The following ARHGAP29 variants were observed in gnomAD, a reference collection of about 807,000 sequenced individuals.
The protein encoded by ARHGAP29 is rho GTPase-activating protein 29.
In ARHGAP29, 43 loss-of-function variants were observed where a neutral mutation model predicts 122.6. The ratio of observed to expected loss-of-function variants is 0.35; its 90% CI spans 0.27 to 0.45. The LOEUF (loss-of-function observed/expected upper bound fraction) is 0.45. Among genes scored for constraint, ARHGAP29 ranks in the 20% least tolerant of loss-of-function variants. ARHGAP29 has a pLI of 1.00. For synonymous variants in ARHGAP29, 506 were observed against 497.1 expected (o/e 1.02, Z -0.24); for missense variants, 1,303 against 1,477.2 (o/e 0.88, Z 1.93).
rs1393878733 is a variant in ARHGAP29, at chr1:94,172,229, C to T, written c.*1640G>A. On this transcript the variant is annotated 3_prime_UTR_variant, in exon 23 of 23. Coordinates refer to ENST00000260526, the MANE Select transcript of ARHGAP29 (RefSeq NM_004815.4). ...ACAGAAATAATAACATGCTTACCCA[C>T]CCATTATAGGTTGCTGTGAACTTGA... The T allele has an allele frequency of 6.6e-6, 1 of 152,110 alleles. No individual in the cohort carries two copies. The allele number at this position is 152,110 out of a possible 1,614,324, so 9.4% of individuals were successfully genotyped here.
chr1:94,312,325 G>T, the ARHGAP29 span, among the ~76,000 whole-genome samples: 512 of 150,156 alleles, frequency 3.4e-3, no homozygotes, highest in African/African-American at 0.012. Context: ...AATCTGATCC[G>T]GCCTTCCTCC....
chr1:94,261,613 G>A (rs542774625), intron 1 of ARHGAP29, among the ~76,000 whole-genome samples: 1 of 152,122 alleles, frequency 6.6e-6, no homozygotes, highest in Non-Finnish European at 1.5e-5. Flanking sequence ...GCCAACAACA[G>A]TCAAGCTGAG....
intron 1 of ARHGAP29, among the ~76,000 whole-genome samples, chr1:94,265,528 G>C (rs1409828716): frequency 6.6e-6 from 1 of 152,230 alleles, no homozygotes; most frequent in Non-Finnish European, 1.5e-5. Context: ...GGGAAGGAAA[G>C]TGGATAATAG....
chr1:94,254,635 A>G (rs1010815876), intron 1 of ARHGAP29, among the ~76,000 whole-genome samples: 4 of 152,240 alleles, frequency 2.6e-5, no homozygotes, highest in African/African-American at 9.6e-5. Context: ...ACTAAAAGGT[A>G]AAACAAGCCT....
At chr1:94,237,162 CG>C (rs1454424229) in intron 1 of ARHGAP29, among the ~76,000 whole-genome samples, 5 of 152,210 alleles carry the variant, frequency 3.3e-5, no homozygotes, top group Non-Finnish European at 7.3e-5. Context: ...TCCCGGCCAC[CG>C]CTGGCGTCCT....
chr1:94,267,102 C>G (rs928664285), intron 1 of ARHGAP29, among the ~76,000 whole-genome samples: 3 of 152,198 alleles, frequency 2.0e-5, no homozygotes, highest in Non-Finnish European at 4.4e-5. Context: ...TGAAATTACT[C>G]CCATAGCTTA....
chr1:94,300,231 T>C, the ARHGAP29 span, among the ~76,000 whole-genome samples: 1 of 152,194 alleles, frequency 6.6e-6, no homozygotes, highest in African/African-American at 2.4e-5. Flanking sequence ...CTTGAATGCA[T>C]GAGTGAATGG....
At chr1:94,283,680 T>C in the ARHGAP29 span, among the ~76,000 whole-genome samples, 17 of 152,312 alleles carry the variant, frequency 1.1e-4, no homozygotes, top group South Asian at 3.5e-3. Flanking sequence ...CCAGGATCAG[T>C]GTAACTCTGT....
chr1:94,304,326 A>G, the ARHGAP29 span, among the ~76,000 whole-genome samples: 1 of 152,142 alleles, frequency 6.6e-6, no homozygotes, highest in East Asian at 1.9e-4. Flanking sequence ...GGTTTGTATA[A>G]ATGGAATCGC....
intron 1 of ARHGAP29, among the ~76,000 whole-genome samples, chr1:94,236,469 T>C (rs1263235557): frequency 2.0e-5 from 3 of 151,818 alleles, no homozygotes; most frequent in Admixed American, 6.6e-5. Context: ...AAAGATAAAC[T>C]ATAGACAAGA....
At chr1:94,258,669 G>A (rs1352994391) in intron 1 of ARHGAP29, among the ~76,000 whole-genome samples, 2 of 152,174 alleles carry the variant, frequency 1.3e-5, no homozygotes, top group East Asian at 3.9e-4. Flanking sequence ...AGTTGTTCAA[G>A]GCCTTAGTAA....
At chr1:94,270,253 T>A (rs1045302724) in intron 1 of ARHGAP29, among the ~76,000 whole-genome samples, 2 of 152,170 alleles carry the variant, frequency 1.3e-5, no homozygotes, top group African/African-American at 4.8e-5. Context: ...GGTCCAGTGG[T>A]CATAGATGTC....
At chr1:94,302,773 C>G in the ARHGAP29 span, 1 of 302,506 alleles carries the variant, frequency 3.3e-6, no homozygotes, top group Admixed American at 4.5e-5. Flanking sequence ...CTGGAGAAAC[C>G]AGCCAAATAT....
chr1:94,183,711 A>G (rs1242034880), intron 19 of ARHGAP29, among the ~76,000 whole-genome samples: 4 of 152,224 alleles, frequency 2.6e-5, no homozygotes, highest in African/African-American at 7.2e-5. Context: ...CTTACTTCAT[A>G]TAACTGTGTG....
chr1:94,243,219 GA>G (rs1344483624), intron 1 of ARHGAP29, among the ~76,000 whole-genome samples: 1 of 75,684 alleles, frequency 1.3e-5, no homozygotes, highest in Non-Finnish European at 2.9e-5. Context: ...GACATTTACA[GA>G]AAATTCCACC....
chr1:94,191,934 T>TG (rs1474941983), intron 12 of ARHGAP29: 1 of 152,204 alleles, frequency 6.6e-6, no homozygotes, highest in Non-Finnish European at 1.5e-5. Flanking sequence ...GACCATGAGC[T>TG]TAATACACTG....
At chr1:94,199,082 G>C (rs547823440) in intron 12 of ARHGAP29, among the ~76,000 whole-genome samples, 1 of 152,212 alleles carries the variant, frequency 6.6e-6, no homozygotes, top group Admixed American at 6.5e-5. Flanking sequence ...CACACACCGG[G>C]GCCTGTCGGG....
chr1:94,306,132 C>T, the ARHGAP29 span, among the ~76,000 whole-genome samples: 43 of 152,334 alleles, frequency 2.8e-4, no homozygotes, highest in South Asian at 8.7e-3. Flanking sequence ...TTTCTGCTTC[C>T]CTGCAGTAGT....
intron 1 of ARHGAP29, among the ~76,000 whole-genome samples, chr1:94,269,106 A>G (rs1032319682): frequency 1.3e-5 from 2 of 152,174 alleles, no homozygotes; most frequent in African/African-American, 2.4e-5. Flanking sequence ...TTCATCACAT[A>G]TCCCACAGAG....
Sources: gnomAD v4.1 joint callset for allele counts (sites outside exome capture counted in the v4.1 genomes callset) on GRCh38, gnomAD v4.1.1 for gene constraint, MANE v1.5 for transcripts, NCBI Gene and HGNC (gene_info 2026-07-23, HGNC 2026-07-21) for gene names.